The following TCF12 variants were observed in gnomAD, a reference collection of about 807,000 sequenced individuals.
The protein encoded by TCF12 is DNA-binding protein HTF4.
A neutral mutation model predicts 86.0 loss-of-function variants in TCF12; 45 were observed. The observed-to-expected ratio is 0.52, with a 90% CI of 0.41 to 0.67. The LOEUF is 0.67. TCF12 is among the 30% of genes least tolerant of loss of function. TCF12 has a pLI of 0.00. For missense variants in TCF12, 881 were observed against 859.9 expected (o/e 1.02, Z -0.31); for synonymous variants, 330 against 299.6 (o/e 1.10, Z -1.05).
chr15:57,232,378 C>T lies in TCF12; in HGVS notation c.773C>T (p.Ser258Phe). ...GFGGILGTST[S>F]HMSQSSSYGN... ...GGTGGAATTCTGGGGACCTCCACTT[C>T]CCACATGTCTCAATCCAGTAGTTAT... The change falls in exon 10 of 21, where the codon TCC becomes TTC. Residue 258 changes from serine (S) to phenylalanine (F), a missense_variant. Transcript: ENST00000333725. 6.2e-7 allele frequency: 1 copy of T among 1,613,394 alleles called. No individual in the cohort carries two copies.
chr15:57,244,941 AAACTCG>A (rs1443457858), intron 13 of TCF12, among the ~76,000 whole-genome samples: 1 of 152,188 alleles, frequency 6.6e-6, no homozygotes, highest in Non-Finnish European at 1.5e-5. Flanking sequence ...TATAATTTTA[AAACTCG>A]AACTATATTT....
intron 5 of TCF12, among the ~76,000 whole-genome samples, chr15:57,153,763 C>T (rs1478356074): frequency 2.0e-5 from 3 of 152,050 alleles, no homozygotes; most frequent in Non-Finnish European, 4.4e-5. Flanking sequence ...CATAGTGGCT[C>T]ATACCTGTAA....
chr15:57,221,294 C>T (rs1394771043), intron 8 of TCF12, among the ~76,000 whole-genome samples: 1 of 151,776 alleles, frequency 6.6e-6, no homozygotes, highest in Non-Finnish European at 1.5e-5. Context: ...AATTTTCTTG[C>T]CAGCTGTCTT....
intron 3 of TCF12, among the ~76,000 whole-genome samples, chr15:56,950,822 T>C (rs2061238991): frequency 6.9e-6 from 1 of 144,540 alleles, no homozygotes; most frequent in South Asian, 2.3e-4. Flanking sequence ...AATGGCGTGA[T>C]CTCGGCTTAC....
chr15:57,231,961 A>G (rs903095958), intron 9 of TCF12, among the ~76,000 whole-genome samples: 2 of 152,196 alleles, frequency 1.3e-5, no homozygotes, highest in South Asian at 4.1e-4. Context: ...CTGTGTATGT[A>G]TAAGTATACC....
At chr15:57,026,479 A>G (rs1025379548) in intron 3 of TCF12, among the ~76,000 whole-genome samples, 4 of 152,324 alleles carry the variant, frequency 2.6e-5, no homozygotes, top group Non-Finnish European at 1.5e-5. Context: ...GACCAGAGGA[A>G]TCCTGACTTC....
chr15:56,961,491 C>T (rs1367451975), intron 3 of TCF12, among the ~76,000 whole-genome samples: 1 of 152,164 alleles, frequency 6.6e-6, no homozygotes, highest in African/African-American at 2.4e-5. Flanking sequence ...CGATATAGTC[C>T]AGTATCTAGC....
intron 4 of TCF12, among the ~76,000 whole-genome samples, chr15:57,074,117 A>G (rs1257647750): frequency 6.6e-6 from 1 of 152,078 alleles, no homozygotes; most frequent in Non-Finnish European, 1.5e-5. Context: ...TATTTTATGT[A>G]TTAAAATAAA....
At chr15:56,935,630 C>G (rs1403955753) in intron 3 of TCF12, among the ~76,000 whole-genome samples, 2 of 152,108 alleles carry the variant, frequency 1.3e-5, no homozygotes, top group Non-Finnish European at 2.9e-5. Flanking sequence ...CACCGCCCTC[C>G]CACCCTTTTC....
chr15:56,982,815 G>T (rs2062959001), intron 3 of TCF12, among the ~76,000 whole-genome samples: 1 of 152,278 alleles, frequency 6.6e-6, no homozygotes, highest in East Asian at 1.9e-4. Context: ...ACTGCTAATT[G>T]AGAAGTCATT....
intron 3 of TCF12, among the ~76,000 whole-genome samples, chr15:57,041,912 G>T (rs2066917399): frequency 6.6e-6 from 1 of 152,140 alleles, no homozygotes; most frequent in South Asian, 2.1e-4. Context: ...CATTTTGGAT[G>T]ACAGAAGAAG....
At chr15:57,137,440 A>T (rs2151384784) in intron 5 of TCF12, among the ~76,000 whole-genome samples, 1 of 152,382 alleles carries the variant, frequency 6.6e-6, no homozygotes, top group Admixed American at 6.5e-5. Flanking sequence ...AAGGGCTTAT[A>T]TTGAAAAATA....
intron 3 of TCF12, among the ~76,000 whole-genome samples, chr15:56,984,545 G>T (rs1261866145): frequency 2.0e-5 from 3 of 151,996 alleles, no homozygotes; most frequent in African/African-American, 4.8e-5. Context: ...TCTGTGTACC[G>T]TACAAAATAA....
chr15:57,186,537 G>C (rs564735585), intron 6 of TCF12, among the ~76,000 whole-genome samples: 34 of 152,252 alleles, frequency 2.2e-4, no homozygotes, highest in Non-Finnish European at 4.1e-4. Flanking sequence ...AGCTTCACTA[G>C]TGAATTCTAC....
At chr15:57,098,055 C>T (rs1476347659) in intron 5 of TCF12, among the ~76,000 whole-genome samples, 7 of 139,074 alleles carry the variant, frequency 5.0e-5, no homozygotes, top group South Asian at 2.3e-4. Context: ...CATGATGGCA[C>T]ATGCTTGTAA....
At chr15:57,057,477 C>T (rs1289220103) in intron 3 of TCF12, among the ~76,000 whole-genome samples, 1 of 152,212 alleles carries the variant, frequency 6.6e-6, no homozygotes, top group Admixed American at 6.5e-5. Context: ...TCTCTTCTTT[C>T]AAGTTTATAT....
At chr15:57,290,284 A>G (rs1217312568), downstream of TCF12, among the ~76,000 whole-genome samples, 2 of 149,060 alleles carry the variant, frequency 1.3e-5, no homozygotes, top group Admixed American at 6.8e-5. Flanking sequence ...TGGAGGTTTC[A>G]GTGAGCTGAG....
rs566608215 is a variant in TCF12 at position 57,065,508 on chromosome 15, G to C, written c.222+1685G>C. On this transcript the variant is annotated intron_variant, in intron 4 of 20. Transcript: ENST00000333725. ...ACTCACAGTACTACTTATTAATATT[G>C]GATTATTTTTTTCAGAGGCTTGAGT... 4.7e-4 allele frequency among the ~76,000 whole-genome samples: 72 copies of C among 152,052 alleles called. 1 individual carries two copies. Among genetic ancestry groups the C allele is most frequent in the Admixed American group, 4.7e-3 (72 of 15,264 alleles).
chr15:57,266,483 G>A (rs1245974086), intron 18 of TCF12, among the ~76,000 whole-genome samples: 2 of 152,160 alleles, frequency 1.3e-5, no homozygotes, highest in East Asian at 1.9e-4. Flanking sequence ...AGTTGCCACA[G>A]AGACTATATG....
Sources: allele counts gnomAD v4.1 joint callset (sites outside exome capture counted in the v4.1 genomes callset), GRCh38; gene constraint gnomAD v4.1.1; transcripts MANE v1.5; gene names NCBI Gene and HGNC (gene_info 2026-07-23, HGNC 2026-07-21).